The following CC2D2A variants were observed in gnomAD, a reference collection of about 807,000 sequenced individuals.
CC2D2A encodes coiled-coil and C2 domain-containing protein 2A.
CC2D2A carries 155 observed loss-of-function variants against 212.9 expected under a neutral mutation model. The ratio of observed to expected loss-of-function variants is 0.73; its 90% CI spans 0.64 to 0.83. The LOEUF (loss-of-function observed/expected upper bound fraction) is 0.83, where lower values mean the gene tolerates loss of function less well. Ranked by LOEUF, CC2D2A falls within the 40% of genes least tolerant of loss-of-function variation. CC2D2A has a pLI of 0.00. For synonymous variants in CC2D2A, 667 were observed against 686.5 expected (o/e 0.97, Z 0.44); for missense variants, 1,856 against 1,956.2 (o/e 0.95, Z 0.97).
At chr4:15,559,125 CAG>C (rs1230030421) in intron 21 of CC2D2A, 38 bp from the exon 22 acceptor site, 3 of 1,161,426 alleles carry the variant, frequency 2.6e-6, no homozygotes. Flanking sequence ...AGAAAAGCAC[CAG>C]AGAGTGCTTT....
rs186531837 is a variant in CC2D2A, at chr4:15,583,776, C to G, written c.3976-2381C>G. Reference sequence around the variant, plus strand: ...CATCCTGGCTAATATGGTGTAACCCCGTCTCTACTAAAAATACAAAAAAAG... The same window carrying G: ...CATCCTGGCTAATATGGTGTAACCCGGTCTCTACTAAAAATACAAAAAAAG... On this transcript the variant is annotated intron_variant, in intron 30 of 36. Transcript: ENST00000424120. Among the ~76,000 whole-genome samples, 436 of 151,912 alleles carry G rather than the reference C, an allele frequency of 2.9e-3. 6 individuals are homozygous for G. Among genetic ancestry groups the G allele is most frequent in the African/African-American group, 0.01 (423 of 41,438 alleles).
intron 33 of CC2D2A, 135 bp downstream of exon 33, chr4:15,589,814 T>G: frequency 5.7e-6 from 1 of 175,460 alleles, no homozygotes; most frequent in Non-Finnish European, 7.2e-6. Context: ...CATATATATA[T>G]ACCAGTTAAA....
intron 4 of CC2D2A, among the ~76,000 whole-genome samples, chr4:15,485,701 T>C (rs1468310265): frequency 6.6e-6 from 1 of 152,228 alleles, no homozygotes; most frequent in Non-Finnish European, 1.5e-5. Flanking sequence ...TGGTTTAATT[T>C]GCATATCCCT....
chr4:15,479,120 A>G (rs1171945678), intron 3 of CC2D2A: 3 of 828,936 alleles, frequency 3.6e-6, no homozygotes, highest in East Asian at 5.3e-5. Flanking sequence ...GCTTCATTGA[A>G]GGCCATGGAC....
intron 29 of CC2D2A, among the ~76,000 whole-genome samples, chr4:15,575,913 G>A (rs967811150): frequency 3.9e-5 from 6 of 152,216 alleles, no homozygotes; most frequent in African/African-American, 9.6e-5. Flanking sequence ...TCTAAAACAC[G>A]TGAAAGCAGT....
intron 33 of CC2D2A, among the ~76,000 whole-genome samples, chr4:15,590,222 A>G (rs569708970): frequency 1.3e-5 from 2 of 152,340 alleles, no homozygotes; most frequent in East Asian, 3.9e-4. Flanking sequence ...GGTTAAAAAT[A>G]TAAGTTATAG....
At chr4:15,536,824 C>T in intron 14 of CC2D2A, 96 bp from the exon 15 acceptor site, 2 of 1,141,538 alleles carry the variant, frequency 1.8e-6, no homozygotes, top group Non-Finnish European at 2.5e-6. Context: ...AGAAGAGGAA[C>T]TGGCACATAG....
intron 11 of CC2D2A, chr4:15,519,590 A>G (rs191082100): frequency 2.6e-4 from 115 of 438,476 alleles, no homozygotes; most frequent in Admixed American, 9.9e-4. Context: ...GGCAATTTAC[A>G]AAAGAAAGAG....
At chr4:15,503,051 C>G (rs974136473) in intron 6 of CC2D2A, 128 bp downstream of exon 6, 2 of 601,728 alleles carry the variant, frequency 3.3e-6, no homozygotes, top group South Asian at 2.4e-5. Flanking sequence ...TTATAATACA[C>G]TTTGGGAGAC....
intron 30 of CC2D2A, among the ~76,000 whole-genome samples, chr4:15,581,229 T>C (rs1418596861): frequency 1.3e-5 from 2 of 152,216 alleles, no homozygotes; most frequent in Admixed American, 6.5e-5. Context: ...ATTTGCTTTT[T>C]ATATTACACA....
At chr4:15,565,149 C>T (rs1018881348) in intron 24 of CC2D2A, among the ~76,000 whole-genome samples, 2 of 152,212 alleles carry the variant, frequency 1.3e-5, no homozygotes, top group African/African-American at 2.4e-5. Context: ...TACCCTTTCA[C>T]CCTGATTGCC....
At chr4:15,516,862 A>G in intron 11 of CC2D2A, 106 bp downstream of exon 11, 7 of 1,130,808 alleles carry the variant, frequency 6.2e-6, no homozygotes, top group South Asian at 2.2e-5. Flanking sequence ...AATTTTTTAA[A>G]TAATTCACTA....
intron 20 of CC2D2A, among the ~76,000 whole-genome samples, chr4:15,555,925 C>T (rs1225559267): frequency 1.3e-5 from 2 of 152,098 alleles, no homozygotes; most frequent in South Asian, 2.1e-4. Context: ...GCTAATAAGT[C>T]GATTTGATTT....
chr4:15,513,831 T>G (rs989019725), intron 8 of CC2D2A, among the ~76,000 whole-genome samples: 1 of 152,236 alleles, frequency 6.6e-6, no homozygotes, highest in Non-Finnish European at 1.5e-5. Context: ...GTTAAAAGCA[T>G]GGTTTCTACA....
At chr4:15,506,583 G>C (rs1197930264) in intron 6 of CC2D2A, among the ~76,000 whole-genome samples, 1 of 152,006 alleles carries the variant, frequency 6.6e-6, no homozygotes, top group African/African-American at 2.4e-5. Context: ...TTGACTTCTC[G>C]GTTTGTTTTG....
intron 33 of CC2D2A, among the ~76,000 whole-genome samples, chr4:15,590,928 A>C (rs1721077841): frequency 1.3e-5 from 2 of 152,070 alleles, no homozygotes; most frequent in East Asian, 2.0e-4. Flanking sequence ...AGGTCTCACC[A>C]TATTGACTAG....
chr4:15,512,925 C>T (rs1716652401), intron 8 of CC2D2A, among the ~76,000 whole-genome samples: 1 of 149,488 alleles, frequency 6.7e-6, no homozygotes, highest in Non-Finnish European at 1.5e-5. Context: ...GCACTCCAGC[C>T]TAGATGACAA....
chr4:15,478,764 G>A lies in CC2D2A; in HGVS notation c.81G>A (p.Gln27=). ...ATGAGGATGCAGACATGGGAAGACA[G>A]AATAAGAACTCAAAGGTTCGAAGAC... The part of the protein sequence containing the change: ...ENDEDADMGR[Q]NKNSKVRRQP... The change falls in exon 3 of 37, where the codon CAG becomes CAA. Residue 27 remains glutamine, a synonymous_variant. Coordinates refer to ENST00000424120, the MANE Select transcript of CC2D2A (RefSeq NM_001378615.1). 1 of 1,555,458 alleles carries A rather than the reference G, an allele frequency of 6.4e-7. No individual in the cohort carries two copies. Among genetic ancestry groups the A allele is most frequent in the Non-Finnish European group, 8.7e-7 (1 of 1,149,052 alleles).
At position 15,496,137 on chromosome 4, in the gene CC2D2A, T is replaced by G. The variant is rs116424758; in HGVS notation, c.248-6292T>G. Among the ~76,000 whole-genome samples the G allele has an allele frequency of 6.0e-3, 918 of 152,314 alleles. 12 individuals carry two copies. Among genetic ancestry groups the G allele is most frequent in the African/African-American group, 0.021 (875 of 41,588 alleles). On this transcript the variant is annotated intron_variant, in intron 4 of 36. Transcript: ENST00000424120. ...TTATAGGTTCTGAATATTAGACCTT[T>G]GTCAGTTGCATAGTTTGCAAATATT...
Sources: gnomAD v4.1 joint callset for allele counts (sites outside exome capture counted in the v4.1 genomes callset) on GRCh38, gnomAD v4.1.1 for gene constraint, MANE v1.5 for transcripts, NCBI Gene and HGNC (gene_info 2026-07-23, HGNC 2026-07-21) for gene names.